SEMA5A: variants seen among roughly 807,000 people sequenced by gnomAD.
SEMA5A encodes the protein semaphorin 5A, also known as semaphorin-5A.
Under a neutral mutation model 135.5 loss-of-function variants are expected in SEMA5A, and 55 were observed. The ratio of observed to expected loss-of-function variants is 0.41; its 90% CI spans 0.33 to 0.51. The LOEUF (loss-of-function observed/expected upper bound fraction) is 0.51, where lower values mean the gene tolerates loss of function less well. Ranked by LOEUF, SEMA5A falls within the 20% of genes least tolerant of loss-of-function variation. The pLI, the probability that SEMA5A is intolerant of heterozygous loss-of-function variation, is 0.37. For synonymous variants in SEMA5A, 580 were observed against 546.5 expected (o/e 1.06, Z -0.85); for missense variants, 1,290 against 1,419.9 (o/e 0.91, Z 1.47).
chr5:9,130,096 A>G (rs1475208223), intron 13 of SEMA5A, among the ~76,000 whole-genome samples: 1 of 152,160 alleles, frequency 6.6e-6, no homozygotes, highest in Non-Finnish European at 1.5e-5. Context: ...GCTAAGGAAG[A>G]TTCAATTTTG....
At chr5:9,539,568 C>T (rs1737966201) in intron 1 of SEMA5A, among the ~76,000 whole-genome samples, 2 of 152,120 alleles carry the variant, frequency 1.3e-5, no homozygotes, top group South Asian at 4.1e-4. Context: ...GAGAACATCC[C>T]TGAATTTCAA....
rs577032750 is a variant in SEMA5A at position 9,443,089 on chromosome 5, C to T, written c.-174-5237G>A. Among the ~76,000 whole-genome samples, 9 of 152,302 alleles carry T rather than the reference C, an allele frequency of 5.9e-5. No individual in the cohort carries two copies. In the South Asian group the frequency reaches 8.3e-4, roughly 14 times the overall value. On this transcript the variant is annotated intron_variant, in intron 1 of 22. Transcript: ENST00000382496. Reference sequence around the variant, plus strand: ...CACTGCAACCCTTTCTGTCACTGTCCGTAGCCTGGGTGTCCAGGCTTCCAT... The same window carrying T: ...CACTGCAACCCTTTCTGTCACTGTCTGTAGCCTGGGTGTCCAGGCTTCCAT...
At chr5:9,157,249 G>C (rs1341428368) in intron 11 of SEMA5A, among the ~76,000 whole-genome samples, 1 of 152,148 alleles carries the variant, frequency 6.6e-6, no homozygotes, top group African/African-American at 2.4e-5. Context: ...ACTCCTGCAT[G>C]CTCACATGTT....
intron 2 of SEMA5A, among the ~76,000 whole-genome samples, chr5:9,426,471 T>TAAAATAAAATAAAATA (rs1757665547): frequency 6.7e-6 from 1 of 149,194 alleles, no homozygotes; most frequent in Admixed American, 6.6e-5. Context: ...TAAAATAAAA[T>TAAAATAAAATAAAATA]AAAATAAATG....
chr5:9,414,862 T>C (rs1419120743), intron 2 of SEMA5A, among the ~76,000 whole-genome samples: 3 of 152,200 alleles, frequency 2.0e-5, no homozygotes, highest in Non-Finnish European at 4.4e-5. Context: ...CCCGTTACCT[T>C]GTAGGGTTCA....
At chr5:9,210,540 T>A (rs1233105442) in intron 8 of SEMA5A, among the ~76,000 whole-genome samples, 1 of 152,190 alleles carries the variant, frequency 6.6e-6, no homozygotes. Flanking sequence ...AGCTCATGCA[T>A]GAAAATGTGG....
At chr5:9,269,136 G>C (rs2150534141) in intron 5 of SEMA5A, among the ~76,000 whole-genome samples, 1 of 152,156 alleles carries the variant, frequency 6.6e-6, no homozygotes, top group African/African-American at 2.4e-5. Flanking sequence ...GAGACTGGGA[G>C]CCTCATGCCT....
At chr5:9,543,887 AT>A (rs1167912467) in intron 1 of SEMA5A, among the ~76,000 whole-genome samples, 1 of 152,086 alleles carries the variant, frequency 6.6e-6, no homozygotes, top group Non-Finnish European at 1.5e-5. Flanking sequence ...GGAAAAAAAA[AT>A]CCATGTTTCT....
At chr5:9,213,239 T>C (rs1746437558) in intron 8 of SEMA5A, among the ~76,000 whole-genome samples, 1 of 152,228 alleles carries the variant, frequency 6.6e-6, no homozygotes, top group African/African-American at 2.4e-5. Flanking sequence ...GTTCAGACCA[T>C]AGCACCATTT....
intron 12 of SEMA5A, among the ~76,000 whole-genome samples, chr5:9,154,085 A>ATGTGTG (rs1209292983): frequency 1.2e-5 from 1 of 85,060 alleles, no homozygotes; most frequent in Non-Finnish European, 2.3e-5. Flanking sequence ...ATATATATAT[A>ATGTGTG]TATATATATG....
chr5:9,505,674 C>T (rs185017950), intron 1 of SEMA5A, among the ~76,000 whole-genome samples: 3 of 152,320 alleles, frequency 2.0e-5, no homozygotes, highest in African/African-American at 4.8e-5. Context: ...GAAGGAGAAC[C>T]TTGCAGGTGG....
intron 1 of SEMA5A, among the ~76,000 whole-genome samples, chr5:9,509,025 G>A (rs1346900894): frequency 1.3e-5 from 2 of 152,072 alleles, no homozygotes; most frequent in South Asian, 2.1e-4. Flanking sequence ...AGAGAAGGGA[G>A]TTTACATAAT....
chr5:9,155,909 T>C (rs1430311369), intron 11 of SEMA5A, among the ~76,000 whole-genome samples: 2 of 152,244 alleles, frequency 1.3e-5, no homozygotes, highest in African/African-American at 4.8e-5. Flanking sequence ...ATTTTCTGAT[T>C]ATACACTGAC....
chr5:9,044,485 T>G lies in SEMA5A; in HGVS notation c.2993A>C (p.Gln998Pro). ...LVYTYCQRYQ[Q>P]QSHDATVIHP... ...GATGACAGTCGCATCGTGGGATTGC[T>G]GCTGGTACCGCTGGCAGTAAGTATA... Residue 998 changes from glutamine (Q) to proline (P), a missense_variant, in exon 22 of 23, where the codon CAG (glutamine) becomes CCG (proline). This residue lies in a region of SEMA5A where 1,029 missense variants were observed against 1,086.6 expected (regional missense o/e 0.95). Coordinates refer to ENST00000382496, the MANE Select transcript of SEMA5A (RefSeq NM_003966.3). 1 of 1,614,026 alleles carries G rather than the reference T, an allele frequency of 6.2e-7. No individual in the cohort carries two copies. Among genetic ancestry groups the G allele is most frequent in the Non-Finnish European group, 8.5e-7 (1 of 1,180,008 alleles).
At chr5:9,333,392 T>C (rs185548908) in intron 4 of SEMA5A, among the ~76,000 whole-genome samples, 11 of 152,336 alleles carry the variant, frequency 7.2e-5, no homozygotes, top group African/African-American at 1.7e-4. Context: ...ACCAAGTTAG[T>C]TGGCATTTGG....
chr5:9,088,567 C>T (rs939790466), intron 16 of SEMA5A, among the ~76,000 whole-genome samples: 2 of 147,908 alleles, frequency 1.4e-5, no homozygotes, highest in African/African-American at 5.0e-5. Context: ...GAATGAGATG[C>T]ATGGTTGTTC....
intron 3 of SEMA5A, among the ~76,000 whole-genome samples, chr5:9,354,272 G>T (rs1442006080): frequency 6.6e-6 from 1 of 152,132 alleles, no homozygotes; most frequent in Non-Finnish European, 1.5e-5. Context: ...TCCCAGCGTG[G>T]GACGAAGCCA....
intron 4 of SEMA5A, among the ~76,000 whole-genome samples, chr5:9,319,040 C>T (rs908732101): frequency 2.0e-5 from 3 of 151,674 alleles, no homozygotes; most frequent in Non-Finnish European, 4.4e-5. Flanking sequence ...TCTGTCTCTA[C>T]AAAAAATACA....
chr5:9,044,500 C>A lies in SEMA5A; in HGVS notation c.2978G>T (p.Cys993Phe). Residue 993 changes from cysteine (C) to phenylalanine (F), a missense_variant, in exon 22 of 23, where the codon TGC becomes TTC. Around this residue, in one of 3 missense-constraint regions of SEMA5A, gnomAD observed 1,029 missense variants for 1,086.6 expected, o/e 0.95. Transcript: ENST00000382496. ...CLLTLLVYTY[C>F]QRYQQQSHDA... ...GTGGGATTGCTGCTGGTACCGCTGG[C>A]AGTAAGTATAGACGAGCAGGGTGAG... 6.2e-7 allele frequency: 1 copy of A among 1,613,906 alleles called. No individual in the cohort carries two copies. Among genetic ancestry groups the A allele is most frequent in the African/African-American group, 1.3e-5 (1 of 74,982 alleles).
Sources: gnomAD v4.1 joint callset for allele counts (sites outside exome capture counted in the v4.1 genomes callset) on GRCh38, gnomAD v4.1.1 for gene constraint, gnomAD v4.1.1 regional missense constraint, MANE v1.5 for transcripts, NCBI Gene and HGNC (gene_info 2026-07-23, HGNC 2026-07-21) for gene names.